The following KHDRBS2 variants were observed in gnomAD, a reference collection of about 807,000 sequenced individuals.
KHDRBS2 encodes KH domain-containing, RNA-binding, signal transduction-associated protein 2.
A neutral mutation model predicts 44.3 loss-of-function variants in KHDRBS2; 26 were observed. The observed-to-expected ratio is 0.59, with a 90% CI of 0.43 to 0.81. The LOEUF is 0.81. KHDRBS2 is among the 40% of genes least tolerant of loss of function. The pLI is 0.00. For synonymous variants in KHDRBS2, 194 were observed against 151.1 expected, an observed-to-expected ratio of 1.28 and a Z score of -2.08; for missense variants, 476 against 433.1, an observed-to-expected ratio of 1.10 and a Z score of -0.88.
intron 6 of KHDRBS2, among the ~76,000 whole-genome samples, chr6:61,736,247 C>CAG (rs58724861): frequency 6.7e-6 from 1 of 150,164 alleles, no homozygotes; most frequent in Non-Finnish European, 1.5e-5. Flanking sequence ...CACACACACA[C>CAG]TAACAACTGT....
At chr6:61,677,290 A>G (rs1438506291), downstream of KHDRBS2, among the ~76,000 whole-genome samples, 1 of 151,920 alleles carries the variant, frequency 6.6e-6, no homozygotes, top group Non-Finnish European at 1.5e-5. Flanking sequence ...GAAATGGATA[A>G]AAGAGAATAA....
intron 1 of KHDRBS2, among the ~76,000 whole-genome samples, chr6:62,226,110 C>T (rs1250580538): frequency 6.6e-6 from 1 of 152,134 alleles, no homozygotes; most frequent in Non-Finnish European, 1.5e-5. Context: ...GAGGAATTTC[C>T]ACAATGTCTT....
chr6:61,544,937 G>T, the KHDRBS2 span, among the ~76,000 whole-genome samples: 1 of 152,076 alleles, frequency 6.6e-6, no homozygotes, highest in East Asian at 1.9e-4. Context: ...TTGTGAGGTG[G>T]AGGGAGTGGC....
intron 2 of KHDRBS2, among the ~76,000 whole-genome samples, chr6:62,084,799 C>T (rs1798097294): frequency 2.0e-5 from 3 of 151,926 alleles, no homozygotes; most frequent in African/African-American, 7.3e-5. Context: ...GAGAAAAGTA[C>T]CCCCAAGAAA....
chr6:61,550,443 T>G, the KHDRBS2 span, among the ~76,000 whole-genome samples: 1 of 152,202 alleles, frequency 6.6e-6, no homozygotes, highest in Non-Finnish European at 1.5e-5. Context: ...CTACAATTTA[T>G]GGACATTTAG....
chr6:62,174,655 C>T (rs1385695308), intron 2 of KHDRBS2, among the ~76,000 whole-genome samples: 2 of 151,632 alleles, frequency 1.3e-5, no homozygotes, highest in South Asian at 2.1e-4. Flanking sequence ...CTTGAGAGGG[C>T]CATTTCCCCA....
At chr6:62,008,741 T>C (rs1380981889) in intron 3 of KHDRBS2, among the ~76,000 whole-genome samples, 4 of 152,164 alleles carry the variant, frequency 2.6e-5, no homozygotes, top group African/African-American at 9.7e-5. Context: ...CCTCACAAGA[T>C]CTGGTGGTTT....
At chr6:61,825,120 C>A (rs937619323) in intron 6 of KHDRBS2, among the ~76,000 whole-genome samples, 2 of 152,052 alleles carry the variant, frequency 1.3e-5, no homozygotes, top group African/African-American at 4.8e-5. Flanking sequence ...GAAATTATTT[C>A]ATTAGACAAA....
rs1785787467 is a variant in KHDRBS2, at chr6:62,038,501, AT to A, written c.336+9376del. 3.3e-5 allele frequency among the ~76,000 whole-genome samples: 5 copies of A among 152,246 alleles called. No individual in the cohort carries two copies. The South Asian group carries it at 1.0e-3, about 32-fold the overall frequency. On this transcript the variant is annotated intron_variant, in intron 3 of 8. Transcript: ENST00000281156. ...AGATATTTATGACTGACAAAAATAGATTACTATTCAACTTTTGAATGACTTG... is the reference window on the plus strand; with the variant it reads ...AGATATTTATGACTGACAAAAATAGATACTATTCAACTTTTGAATGACTTG...
rs1366924104 is a variant in KHDRBS2 at position 61,973,823 on chromosome 6, G to A, written c.483+4243C>T. On this transcript the variant is annotated intron_variant, in intron 4 of 8. Transcript: ENST00000281156. ...CTGTCAACTCTGCTAATATTGTAAC[G>A]CTGTGCAGCATGCTGTGTTGGGAAG... 7.2e-5 allele frequency among the ~76,000 whole-genome samples: 11 copies of A among 152,228 alleles called. 1 individual carries two copies. In the South Asian group the frequency reaches 8.3e-4, roughly 11 times the overall value.
At chr6:61,859,467 C>A (rs1347312006) in intron 6 of KHDRBS2, among the ~76,000 whole-genome samples, 2 of 150,972 alleles carry the variant, frequency 1.3e-5, no homozygotes, top group African/African-American at 4.9e-5. Context: ...ATCTCCAAGT[C>A]AAATTAAAAA....
intron 6 of KHDRBS2, among the ~76,000 whole-genome samples, chr6:61,822,250 T>A (rs558907248): frequency 6.6e-6 from 1 of 152,114 alleles, no homozygotes; most frequent in South Asian, 2.1e-4. Flanking sequence ...TTTCCCAAAT[T>A]GTTTCTTCAT....
intron 1 of KHDRBS2, among the ~76,000 whole-genome samples, chr6:62,190,805 T>C (rs1234603490): frequency 6.6e-6 from 1 of 152,118 alleles, no homozygotes; most frequent in East Asian, 1.9e-4. Flanking sequence ...CTCAGCCATG[T>C]GAGCAAGAGT....
chr6:61,639,322 T>C, the KHDRBS2 span, among the ~76,000 whole-genome samples: 12 of 152,150 alleles, frequency 7.9e-5, no homozygotes. Flanking sequence ...TCATAAATAT[T>C]CTGCTTCTGC....
At chr6:61,780,210 CT>C (rs1301738791) in intron 6 of KHDRBS2, among the ~76,000 whole-genome samples, 1 of 152,064 alleles carries the variant, frequency 6.6e-6, no homozygotes, top group East Asian at 1.9e-4. Flanking sequence ...CTATAAAACA[CT>C]TGTTGAAGGC....
intron 7 of KHDRBS2, among the ~76,000 whole-genome samples, chr6:61,717,475 A>G (rs1468701052): frequency 6.6e-6 from 1 of 152,120 alleles, no homozygotes; most frequent in Admixed American, 6.6e-5. Context: ...ATACAATTAA[A>G]TTGTAGAATA....
intron 7 of KHDRBS2, among the ~76,000 whole-genome samples, chr6:61,725,808 C>A (rs537232336): frequency 6.6e-6 from 1 of 151,900 alleles, no homozygotes; most frequent in African/African-American, 2.4e-5. Flanking sequence ...ATAAATAGCC[C>A]ACCAACCAAA....
At chr6:61,969,891 A>C (rs1384337740) in intron 4 of KHDRBS2, among the ~76,000 whole-genome samples, 1 of 151,926 alleles carries the variant, frequency 6.6e-6, no homozygotes, top group Non-Finnish European at 1.5e-5. Context: ...TCAAAAAAAA[A>C]CATATAAAAT....
intron 8 of KHDRBS2, among the ~76,000 whole-genome samples, chr6:61,685,313 G>T (rs1310685898): frequency 6.6e-6 from 1 of 151,816 alleles, no homozygotes; most frequent in Non-Finnish European, 1.5e-5. Context: ...TTCTAAACTG[G>T]ACTCTAAGAT....
Sources: allele counts gnomAD v4.1 joint callset (sites outside exome capture counted in the v4.1 genomes callset), GRCh38; gene constraint gnomAD v4.1.1; transcripts MANE v1.5; gene names NCBI Gene and HGNC (gene_info 2026-07-23, HGNC 2026-07-21).